The following FHAD1 variants were observed in gnomAD, a reference collection of about 807,000 sequenced individuals.
FHAD1 encodes the protein forkhead associated phosphopeptide binding domain 1.
A neutral mutation model predicts 191.3 loss-of-function variants in FHAD1; 146 were observed. The observed-to-expected ratio is 0.76, with a 90% CI of 0.67 to 0.88. The LOEUF (loss-of-function observed/expected upper bound fraction) is 0.88. FHAD1 is among the 40% of genes least tolerant of loss of function. The pLI is 0.00. For synonymous variants in FHAD1, 616 were observed against 672.3 expected (o/e 0.92, Z 1.29); for missense variants, 1,635 against 1,785.8 (o/e 0.92, Z 1.52).
Position 15,369,455 on chromosome 1 carries a change from G to T in FHAD1, c.3400G>T (p.Val1134Leu). ...GAAGACCCAGACGTGTGACACCTCT[G>T]TGCAGATAGAACCCGTCCACACTGA... ...RKKTQTCDTS[V>L]QIEPVHTEAF... The change falls in exon 26 of 34, where the codon GTG (valine) becomes TTG (leucine). Residue 1134 changes from valine (V) to leucine (L), a missense_variant. Transcript: ENST00000688493. 6.4e-7 allele frequency: 1 copy of T among 1,551,784 alleles called. No individual in the cohort carries two copies. The highest frequency in any genetic ancestry group is 8.7e-7 in the Non-Finnish European group (1 of 1,147,030).
intron 2 of FHAD1, among the ~76,000 whole-genome samples, chr1:15,253,526 G>A (rs74941695): frequency 0.015 from 2,304 of 152,204 alleles, 55 homozygotes; most frequent in African/African-American, 0.052. Flanking sequence ...CAAATCCTGT[G>A]CATGTTTTGC....
chr1:15,369,035 G>A (rs1017779678), intron 25 of FHAD1, among the ~76,000 whole-genome samples: 10 of 152,176 alleles, frequency 6.6e-5, no homozygotes. Flanking sequence ...AATGAGACAA[G>A]CAGAGTACCT....
At chr1:15,254,387 C>T in intron 2 of FHAD1, among the ~76,000 whole-genome samples, 1 of 152,144 alleles carries the variant, frequency 6.6e-6, no homozygotes, top group South Asian at 2.1e-4. Flanking sequence ...ACTTATTTCA[C>T]AGGGCTGTAG....
rs543321640 is a variant in FHAD1, at chr1:15,326,671, A to G, written c.1474-388A>G. ...CCCCGGGCTTCCTTGCTGACTACAC[A>G]ATTTACTTGGACTGACAGCCTCAAT... On this transcript the variant is annotated intron_variant, in intron 11 of 33. Transcript: ENST00000688493. 12 of 164,700 alleles carry G rather than the reference A, an allele frequency of 7.3e-5. No individual in the cohort carries two copies. In the South Asian group the frequency reaches 2.0e-3, roughly 28 times the overall value. 10.2% of individuals were successfully genotyped at this position (164,700 alleles called of 1,614,324 possible).
At position 15,325,318 on chromosome 1, in the gene FHAD1, CACGTGTGTGT is replaced by C. The variant is rs1678023273; in HGVS notation, c.1473+760_1473+769del. The stretch of plus-strand genomic sequence containing the variant: ...GGATCCACAGAATGGTTTGCACACA[CACGTGTGTGT>C]GCGTGTGTGTGTGTGTATTACTGGG... On this transcript the variant is annotated intron_variant, in intron 11 of 33. Coordinates refer to ENST00000688493, the MANE Select transcript of FHAD1 (RefSeq NM_001391957.1). This position sits in a 1 kb window ranked among gnomAD's most constrained non-coding sequence, Gnocchi z 4.6. 6.6e-6 allele frequency: 1 copy of C among 151,930 alleles called. No homozygotes were observed. Among genetic ancestry groups the C allele is most frequent in the South Asian group, 2.1e-4 (1 of 4,810 alleles). 9.4% of individuals were successfully genotyped at this position (151,930 alleles called of 1,614,324 possible).
Position 15,381,558 on chromosome 1 carries a change from C to A in FHAD1, c.4022+107C>A. 1 of 823,534 alleles carries A rather than the reference C, an allele frequency of 1.2e-6. No homozygotes were observed. The highest frequency in any genetic ancestry group is 1.7e-5 in the South Asian group (1 of 58,008). The allele number at this position is 823,534 out of a possible 1,614,324, so 51.0% of individuals were successfully genotyped here. ...AGGCCTGGGACAGGAGGACAGAGAC[C>A]CACGTGTGGAATACCTGCAATGTCA... On this transcript the variant is annotated intron_variant, in intron 30 of 33. Coordinates refer to ENST00000688493, the MANE Select transcript of FHAD1 (RefSeq NM_001391957.1). This position sits in a 1 kb window ranked among gnomAD's most constrained non-coding sequence, Gnocchi z 4.6.
At chr1:15,271,756 C>G (rs1656119383) in intron 2 of FHAD1, among the ~76,000 whole-genome samples, 1 of 151,990 alleles carries the variant, frequency 6.6e-6, no homozygotes, top group Admixed American at 6.6e-5. Flanking sequence ...GGATGTGAAC[C>G]TCAATGTTAA....
rs149372534 is a variant in FHAD1, at chr1:15,378,280, G to A, written c.3706-2421G>A. 1.3e-4 allele frequency among the ~76,000 whole-genome samples: 20 copies of A among 151,682 alleles called. 1 individual carries two copies. Among genetic ancestry groups the A allele is most frequent in the Admixed American group, 2.0e-4 (3 of 15,252 alleles). On this transcript the variant is annotated intron_variant, in intron 28 of 33. Coordinates refer to ENST00000688493, the MANE Select transcript of FHAD1 (RefSeq NM_001391957.1). ...AGCCTGGGCGAAAGAGTGAAACTCCGTCAAAAAAAAAAGAAAAGAAGAGAA... is the reference window on the plus strand; with the variant it reads ...AGCCTGGGCGAAAGAGTGAAACTCCATCAAAAAAAAAAGAAAAGAAGAGAA...
rs138191816 is a variant in FHAD1, at chr1:15,277,189, C to T, written c.300+4660C>T. On this transcript the variant is annotated intron_variant, in intron 3 of 33. Coordinates refer to ENST00000688493, the MANE Select transcript of FHAD1 (RefSeq NM_001391957.1). The stretch of plus-strand genomic sequence containing the variant: ...CTCCCATTCCAGCCAGAGCTTCCCA[C>T]ATGACTTCTGGATGCAGTCCTTCGA... Among the ~76,000 whole-genome samples the T allele has an allele frequency of 1.4e-4, 22 of 152,332 alleles. No homozygotes were observed. In the East Asian group the frequency reaches 4.1e-3, roughly 28 times the overall value.
In FHAD1 at chr1:15,341,887, C is replaced by G. The variant is rs773910914; in HGVS notation, c.2129C>G (p.Ala710Gly). The G allele has an allele frequency of 1.9e-6, 3 of 1,550,518 alleles. No individual in the cohort carries two copies. Among genetic ancestry groups the G allele is most frequent in the South Asian group, 2.4e-5 (2 of 83,860 alleles). Residue 710 changes from alanine (A) to glycine (G), a missense_variant and splice_region_variant, in exon 16 of 34, where the codon GCG becomes GGG. Ala to Gly is a moderately conservative substitution (Grantham distance 60, BLOSUM62 0). Transcript: ENST00000688493. ...AKIRQLTEEK[A>G]ALEEYITQER... ...ATCAGGCAACTGACGGAAGAGAAGG[C>G]GGTAAGGTGGTCCCTGCCATTTGCT...
Position 15,318,720 on chromosome 1 carries a change from T to G in FHAD1, c.1365+792T>G, listed in dbSNP as rs1228794001. ...ACGTTCCAAGTGCATAGTAGCCACG[T>G]GTAGCTGGTGGCTGCTGCACTGGAC... On this transcript the variant is annotated intron_variant, in intron 10 of 33. Transcript: ENST00000688493. This position sits in a 1 kb window ranked among gnomAD's most constrained non-coding sequence, Gnocchi z 4.1. 1.3e-5 allele frequency among the ~76,000 whole-genome samples: 2 copies of G among 152,208 alleles called. No individual in the cohort carries two copies. The highest frequency in any genetic ancestry group is 4.8e-5 in the African/African-American group (2 of 41,462).
chr1:15,365,939 A>C lies in FHAD1; in HGVS notation c.3154+6A>C. The stretch of plus-strand genomic sequence containing the variant: ...CAGAATGTCGGATTTGAGAGGTTTG[A>C]ACAATTTCTGGTGTCTCTTGACCTC... On this transcript the variant is annotated splice_donor_region_variant and intron_variant, in intron 24 of 33. Coordinates refer to ENST00000688493, the MANE Select transcript of FHAD1 (RefSeq NM_001391957.1). 6.5e-7 allele frequency: 1 copy of C among 1,541,824 alleles called. No individual in the cohort carries two copies. Among genetic ancestry groups the C allele is most frequent in the Non-Finnish European group, 8.8e-7 (1 of 1,138,122 alleles).
Position 15,374,562 on chromosome 1 carries a change from C to T in FHAD1, c.3508C>T (p.Gln1170Ter). 1 of 1,551,728 alleles carries T rather than the reference C, an allele frequency of 6.4e-7. No homozygotes were observed. The highest frequency in any genetic ancestry group is 1.4e-5 in the African/African-American group (1 of 73,148). Residue 1170 changes from glutamine to a stop codon, truncating the protein, a stop_gained, in exon 27 of 34, where the codon CAG (glutamine) becomes TAG (stop). Transcript: ENST00000688493. LOFTEE classifies it high-confidence loss of function. ...AGGGTCCCGGCACGAGGAGGTCATTCAGCGTCAGAAAAAGGCCTTATCTGA... is the reference window on the plus strand; with the variant it reads ...AGGGTCCCGGCACGAGGAGGTCATTTAGCGTCAGAAAAAGGCCTTATCTGA... The part of the protein sequence containing the change: ...CKGSRHEEVI[Q>*]RQKKALSELR...
chr1:15,362,352 C>T lies in FHAD1; in HGVS notation c.2963-290C>T, dbSNP rs553381585. Reference sequence around the variant, plus strand: ...GACCAGGGGCTGAGACTGCACTGCTCACCAGCTTAGCCAAGTGGGTCGCCG... The same window carrying T: ...GACCAGGGGCTGAGACTGCACTGCTTACCAGCTTAGCCAAGTGGGTCGCCG... On this transcript the variant is annotated intron_variant, in intron 22 of 33. Transcript: ENST00000688493. 1.2e-4 allele frequency among the ~76,000 whole-genome samples: 19 copies of T among 152,312 alleles called. 1 individual carries two copies. In the South Asian group the frequency reaches 2.9e-3, roughly 23 times the overall value.
chr1:15,305,738 G>T (rs60016285), intron 6 of FHAD1: 2 of 443,788 alleles, frequency 4.5e-6, no homozygotes, highest in South Asian at 3.2e-5. Flanking sequence ...TGCTTCTTCC[G>T]CATTTTCTCT....
Position 15,368,226 on chromosome 1 carries a change from G to A in FHAD1, c.3314+604G>A, listed in dbSNP as rs145204537. Among the ~76,000 whole-genome samples, 1,009 of 151,968 alleles carry A rather than the reference G, an allele frequency of 6.6e-3. 6 individuals are homozygous for A. The highest frequency in any genetic ancestry group is 0.011 in the Non-Finnish European group (737 of 67,942). ...TGACCTCAAGTGACTCACCCACCTC[G>A]GCCTCCCAAAGTGCTGGGATTACAG... On this transcript the variant is annotated intron_variant, in intron 25 of 33. Coordinates refer to ENST00000688493, the MANE Select transcript of FHAD1 (RefSeq NM_001391957.1).
At position 15,342,619 on chromosome 1, in the gene FHAD1, CTG is replaced by C. The variant is rs560305118; in HGVS notation, c.2130+733_2130+734del. 2.0e-3 allele frequency among the ~76,000 whole-genome samples: 303 copies of C among 152,302 alleles called. 2 individuals are homozygous for C. The highest frequency in any genetic ancestry group is 6.9e-3 in the African/African-American group (288 of 41,556). On this transcript the variant is annotated intron_variant, in intron 16 of 33. Transcript: ENST00000688493. ...AGAACATCTGGAGAGGGCCAGGAAA[CTG>C]TATTATTTAATGAGCTGATTCTCAT...
rs1029634746 is a variant in FHAD1, at chr1:15,362,652, G to T, written c.2973G>T (p.Glu991Asp). 12 of 1,551,780 alleles carry T rather than the reference G, an allele frequency of 7.7e-6. No individual in the cohort carries two copies. The East Asian group carries it at 2.2e-4, about 28-fold the overall frequency. Residue 991 changes from glutamate (E) to aspartate (D), a missense_variant, in exon 23 of 34, where the codon GAG (glutamate) becomes GAT (aspartate). Physicochemically the swap from Glu to Asp is conservative, Grantham distance 45 (BLOSUM62 2). Transcript: ENST00000688493. ...GTCCCTCTGATACAGCCCCAAAGGA[G>T]GAAAGGCCGCAAGACCCTCTGGTGG... ...TLKDNDPAPK[E>D]ERPQDPLVAP...
chr1:15,305,493 C>G (rs975403553), intron 6 of FHAD1, among the ~76,000 whole-genome samples: 37 of 152,306 alleles, frequency 2.4e-4, no homozygotes, highest in African/African-American at 7.5e-4. Flanking sequence ...CAATCCCAAG[C>G]AAGCAACCTC....
Sources: allele counts gnomAD v4.1 joint callset (sites outside exome capture counted in the v4.1 genomes callset), GRCh38; gene constraint gnomAD v4.1.1; non-coding constraint Gnocchi (gnomAD v3.1); transcripts MANE v1.5; gene names NCBI Gene and HGNC (gene_info 2026-07-23, HGNC 2026-07-21).